Variants in THRAP3 observed in about 807,000 individuals in gnomAD.
THRAP3 encodes thyroid hormone receptor associated protein 3.
Under a neutral mutation model 101.0 loss-of-function variants are expected in THRAP3, and 16 were observed. The ratio of observed to expected loss-of-function variants is 0.16; its 90% CI spans 0.11 to 0.24. The LOEUF (loss-of-function observed/expected upper bound fraction) is 0.24. Ranked by LOEUF, THRAP3 falls within the 10% of genes least tolerant of loss-of-function variation. The pLI is 1.00. For missense variants in THRAP3, 989 were observed against 1,202.7 expected (o/e 0.82, Z 2.63); for synonymous variants, 407 against 422.6 (o/e 0.96, Z 0.45).
At position 36,289,496 on chromosome 1, in the gene THRAP3, G is replaced by A; in HGVS notation, c.1477G>A (p.Glu493Lys). The change falls in exon 5 of 12, where the codon GAG becomes AAG. Residue 493 changes from glutamate to lysine, a missense_variant. Transcript: ENST00000354618. The stretch of plus-strand genomic sequence containing the variant: ...GAGAAAAACAGAGGAGCTGGAGGAG[G>A]AGTCTTTCCCAGAGAGATCCAAAAA... ...KQRKTEELEE[E>K]SFPERSKKED... is the part of the protein sequence containing the mutation. The A allele has an allele frequency of 6.2e-7, 1 of 1,614,220 alleles. No homozygotes were observed. Among genetic ancestry groups the A allele is most frequent in the Non-Finnish European group, 8.5e-7 (1 of 1,180,046 alleles).
chr1:36,235,263 A>G (rs1645072377), intron 1 of THRAP3, among the ~76,000 whole-genome samples: 1 of 152,102 alleles, frequency 6.6e-6, no homozygotes, highest in Non-Finnish European at 1.5e-5. Flanking sequence ...AGATTTTGAC[A>G]CCATAGATAA....
intron 4 of THRAP3, chr1:36,288,301 G>GC (rs1645822457): frequency 1.2e-6 from 1 of 838,094 alleles, no homozygotes; most frequent in Non-Finnish European, 1.4e-6. Context: ...TTTTATCCTT[G>GC]CCCCCTCCCA....
At chr1:36,292,840 G>GATATATAT (rs1458664077) in intron 7 of THRAP3, 131 bp downstream of exon 7, 36 of 639,694 alleles carry the variant, frequency 5.6e-5, no homozygotes, top group African/African-American at 5.5e-4. Context: ...CAGACTCTAA[G>GATATATAT]AGAGCTATAG....
intron 9 of THRAP3, among the ~76,000 whole-genome samples, chr1:36,298,114 TC>T (rs1454681293): frequency 7.7e-6 from 1 of 129,984 alleles, no homozygotes; most frequent in East Asian, 2.4e-4. Flanking sequence ...AGCACTGCAT[TC>T]CAGCCTAGGC....
chr1:36,304,174 G>T lies in THRAP3; in HGVS notation c.*157G>T, dbSNP rs960330903. The T allele has an allele frequency of 5.0e-6, 6 of 1,192,444 alleles. No individual in the cohort carries two copies. The South Asian group carries it at 9.4e-5, about 19-fold the overall frequency. The allele number at this position is 1,192,444 out of a possible 1,614,324, so 73.9% of individuals were successfully genotyped here. A position where few individuals can be genotyped will look rare whatever the true frequency, so the allele number is the denominator to read the frequency against. On this transcript the variant is annotated 3_prime_UTR_variant, in exon 12 of 12. Transcript: ENST00000354618. Reference sequence around the variant, plus strand: ...TACTACCGCGAGAGGCATCCCTGGCGCTGTCTCCCACTGGACAGAGGAGGC... The same window carrying T: ...TACTACCGCGAGAGGCATCCCTGGCTCTGTCTCCCACTGGACAGAGGAGGC...
chr1:36,264,016 A>G (rs1645481423), intron 2 of THRAP3, among the ~76,000 whole-genome samples: 1 of 152,214 alleles, frequency 6.6e-6, no homozygotes, highest in South Asian at 2.1e-4. Context: ...ATTGCTGTGT[A>G]GGAAGATACC....
chr1:36,263,854 C>T (rs573624740), intron 2 of THRAP3, among the ~76,000 whole-genome samples: 1 of 152,312 alleles, frequency 6.6e-6, no homozygotes, highest in African/African-American at 2.4e-5. Context: ...TGTTGATTTT[C>T]CCTGCTAACA....
chr1:36,271,739 G>T (rs149698868), intron 2 of THRAP3, among the ~76,000 whole-genome samples: 1 of 151,576 alleles, frequency 6.6e-6, no homozygotes, highest in Non-Finnish European at 1.5e-5. Context: ...GATCACAGAC[G>T]CATACCACCA....
intron 2 of THRAP3, among the ~76,000 whole-genome samples, chr1:36,270,658 A>G (rs965492896): frequency 6.9e-6 from 1 of 145,834 alleles, no homozygotes; most frequent in Non-Finnish European, 1.5e-5. Context: ...GCTCACTGCA[A>G]CCTCTGCCTC....
chr1:36,219,592 CTT>C (rs1274235048), upstream of THRAP3, among the ~76,000 whole-genome samples: 7 of 143,372 alleles, frequency 4.9e-5, no homozygotes, highest in Admixed American at 1.4e-4. Context: ...GCCCAGCTAA[CTT>C]TTTTTTTTTT....
intron 1 of THRAP3, among the ~76,000 whole-genome samples, chr1:36,241,034 G>A (rs1449205101): frequency 3.3e-5 from 5 of 151,896 alleles, no homozygotes; most frequent in Admixed American, 1.3e-4. Context: ...GTGAAACCCC[G>A]TCTCTACTAA....
chr1:36,211,867 C>T, the THRAP3 span, among the ~76,000 whole-genome samples: 12 of 152,294 alleles, frequency 7.9e-5, no homozygotes, highest in Non-Finnish European at 1.3e-4. Context: ...ACAATGCTGC[C>T]GGTTCCAGTC....
At chr1:36,210,724 T>C in the THRAP3 span, among the ~76,000 whole-genome samples, 9 of 8,744 alleles carry the variant, frequency 1.0e-3, no homozygotes, top group African/African-American at 4.1e-3. Context: ...TATATATATA[T>C]ATATATATAT....
At chr1:36,298,888 G>A (rs931119159) in intron 9 of THRAP3, among the ~76,000 whole-genome samples, 1 of 152,160 alleles carries the variant, frequency 6.6e-6, no homozygotes, top group Non-Finnish European at 1.5e-5. Flanking sequence ...TTGACCTCCT[G>A]GGCTCAAGTG....
chr1:36,213,212 G>A, the THRAP3 span, among the ~76,000 whole-genome samples: 1 of 152,142 alleles, frequency 6.6e-6, no homozygotes, highest in African/African-American at 2.4e-5. Flanking sequence ...GTTTGATCCT[G>A]AGGGCACTGG....
At chr1:36,280,320 A>G (rs541126860) in intron 2 of THRAP3, among the ~76,000 whole-genome samples, 1 of 152,334 alleles carries the variant, frequency 6.6e-6, no homozygotes, top group East Asian at 1.9e-4. Context: ...CACTAAATAA[A>G]GAAAGATGAG....
At chr1:36,237,786 CAAAA>C (rs908423181) in intron 1 of THRAP3, among the ~76,000 whole-genome samples, 2 of 149,072 alleles carry the variant, frequency 1.3e-5, no homozygotes, top group East Asian at 4.0e-4. Context: ...AACAAACAAA[CAAAA>C]AAAAACAACT....
chr1:36,218,414 C>CA, the THRAP3 span, among the ~76,000 whole-genome samples: 4,515 of 39,828 alleles, frequency 0.11, 704 homozygotes, highest in African/African-American at 0.32. Flanking sequence ...GACTCTGTCT[C>CA]AAAAAAAAAA....
chr1:36,246,294 G>A (rs116320691), intron 1 of THRAP3, among the ~76,000 whole-genome samples: 4,919 of 152,230 alleles, frequency 0.032, 260 homozygotes, highest in African/African-American at 0.11. Context: ...GAAAAGTGGA[G>A]CGATCTTGGC....
Sources: allele counts gnomAD v4.1 joint callset (sites outside exome capture counted in the v4.1 genomes callset), GRCh38; gene constraint gnomAD v4.1.1; transcripts MANE v1.5; gene names NCBI Gene and HGNC (gene_info 2026-07-23, HGNC 2026-07-21).